ANKS1B: variants seen among roughly 807,000 people sequenced by gnomAD.
ANKS1B encodes the protein ankyrin repeat and sterile alpha motif domain-containing protein 1B.
In ANKS1B, 36 loss-of-function variants were observed where a neutral mutation model predicts 148.3. The ratio of observed to expected loss-of-function variants is 0.24; its 90% CI spans 0.19 to 0.32. The LOEUF is 0.32. Ranked by LOEUF, ANKS1B falls within the 10% of genes least tolerant of loss-of-function variation. The pLI is 1.00. For missense variants in ANKS1B, 1,157 were observed against 1,542.6 expected (o/e 0.75, Z 4.19); for synonymous variants, 542 against 560.8 (o/e 0.97, Z 0.47).
intron 12 of ANKS1B, among the ~76,000 whole-genome samples, chr12:99,344,249 T>C (rs1322963923): frequency 6.6e-6 from 1 of 152,058 alleles, no homozygotes; most frequent in Non-Finnish European, 1.5e-5. Context: ...TCTTAATTCC[T>C]TTCTTCCTAT....
intron 12 of ANKS1B, among the ~76,000 whole-genome samples, chr12:99,310,957 G>C (rs189361286): frequency 6.6e-6 from 1 of 152,174 alleles, no homozygotes; most frequent in African/African-American, 2.4e-5. Flanking sequence ...CTTTAAAACA[G>C]GGAAAACAAT....
chr12:99,196,600 GT>G (rs1318876601), intron 14 of ANKS1B, among the ~76,000 whole-genome samples: 2 of 150,812 alleles, frequency 1.3e-5, no homozygotes, highest in East Asian at 3.9e-4. Flanking sequence ...TTTTTTGTTT[GT>G]TTTTGTTTTT....
chr12:99,253,422 A>G (rs1307411119), intron 12 of ANKS1B, among the ~76,000 whole-genome samples: 1 of 152,172 alleles, frequency 6.6e-6, no homozygotes, highest in East Asian at 1.9e-4. Context: ...GTATTTCTTA[A>G]TACTTCATCG....
At chr12:99,862,390 T>C (rs2090147034) in intron 1 of ANKS1B, among the ~76,000 whole-genome samples, 1 of 152,210 alleles carries the variant, frequency 6.6e-6, no homozygotes, top group Non-Finnish European at 1.5e-5. Context: ...AAGCAAGACA[T>C]CTGTGTTATT....
rs7954449 is a variant in ANKS1B at position 98,852,974 on chromosome 12, A to C, written c.2779-20838T>G. On this transcript the variant is annotated intron_variant, in intron 17 of 26. Coordinates refer to ENST00000683438, the MANE Select transcript of ANKS1B (RefSeq NM_001352186.2). ...ATGTGAGAAATCTTTTGAAAAATAT[A>C]AAGCGTTCTATAAAAACAAGGTGAT... Among the ~76,000 whole-genome samples the C allele has an allele frequency of 8.9e-4, 135 of 152,300 alleles. 1 individual carries two copies. The highest frequency in any genetic ancestry group is 2.8e-3 in the African/African-American group (115 of 41,558).
intron 17 of ANKS1B, among the ~76,000 whole-genome samples, chr12:98,960,767 G>A (rs533621516): frequency 7.7e-4 from 117 of 152,266 alleles, no homozygotes; most frequent in Non-Finnish European, 7.9e-4. Flanking sequence ...ATAACATAGA[G>A]AAGGAATTCA....
At position 98,744,491 on chromosome 12, in the gene ANKS1B, G is replaced by A. The variant is rs2097841424; in HGVS notation, c.*1248C>T. 4.9e-6 allele frequency: 3 copies of A among 611,978 alleles called. No individual in the cohort carries two copies. The highest frequency in any genetic ancestry group is 6.1e-6 in the Non-Finnish European group (3 of 489,342). 37.9% of individuals were successfully genotyped at this position (611,978 alleles called of 1,614,324 possible). ...TTAAAATGTTATTTTTTTCTATAATGATATTGGTACTGTTTATATAATTTG... is the reference window on the plus strand; with the variant it reads ...TTAAAATGTTATTTTTTTCTATAATAATATTGGTACTGTTTATATAATTTG... On this transcript the variant is annotated 3_prime_UTR_variant, in exon 27 of 27. Coordinates refer to ENST00000683438, the MANE Select transcript of ANKS1B (RefSeq NM_001352186.2).
At chr12:99,697,039 G>A (rs192675830) in intron 8 of ANKS1B, among the ~76,000 whole-genome samples, 7 of 152,208 alleles carry the variant, frequency 4.6e-5, no homozygotes, top group East Asian at 1.9e-4. Flanking sequence ...ATACCACTAC[G>A]CATCTACCAG....
chr12:98,948,490 T>C (rs1295423222), intron 17 of ANKS1B, among the ~76,000 whole-genome samples: 1 of 152,184 alleles, frequency 6.6e-6, no homozygotes, highest in Non-Finnish European at 1.5e-5. Flanking sequence ...TACATTCTTA[T>C]TGTTATGCTG....
rs538706020 is a variant in ANKS1B at position 99,895,781 on chromosome 12, T to C, written c.135-70392A>G. On this transcript the variant is annotated intron_variant, in intron 1 of 26. Transcript: ENST00000683438. ...GTAATTGGCCTACAATTTCAGCCTC[T>C]TTTCTATGGAGTCCTTCGGTTCTGG... Among the ~76,000 whole-genome samples the C allele has an allele frequency of 3.2e-4, 49 of 151,236 alleles. 1 individual carries two copies. Among genetic ancestry groups the C allele is most frequent in the African/African-American group, 1.0e-3 (42 of 41,464 alleles).
At chr12:99,878,424 A>C (rs1831763306) in intron 1 of ANKS1B, among the ~76,000 whole-genome samples, 1 of 152,210 alleles carries the variant, frequency 6.6e-6, no homozygotes, top group African/African-American at 2.4e-5. Flanking sequence ...ATAACATTAC[A>C]ATGTGCTTTG....
chr12:99,498,709 T>C (rs954246232), intron 10 of ANKS1B, among the ~76,000 whole-genome samples: 7 of 152,200 alleles, frequency 4.6e-5, no homozygotes, highest in African/African-American at 1.7e-4. Flanking sequence ...TAAGTGCTTA[T>C]TGAATGGATC....
intron 11 of ANKS1B, among the ~76,000 whole-genome samples, chr12:99,405,899 T>TCA (rs2094520892): frequency 6.9e-6 from 1 of 145,240 alleles, no homozygotes; most frequent in Non-Finnish European, 1.5e-5. Flanking sequence ...TATACTGATA[T>TCA]GACAAAATAG....
Position 99,593,954 on chromosome 12 carries a change from G to GT in ANKS1B, c.1272+61112dup, listed in dbSNP as rs1056616983. ...CTGACAAGCAGCTGGTGCAGTGGGTGTTTTTTTTTAATCTCCGTCTTGACA... is the reference window on the plus strand; with the variant it reads ...CTGACAAGCAGCTGGTGCAGTGGGTGTTTTTTTTTTAATCTCCGTCTTGACA... On this transcript the variant is annotated intron_variant, in intron 9 of 26. Coordinates refer to ENST00000683438, the MANE Select transcript of ANKS1B (RefSeq NM_001352186.2). Among the ~76,000 whole-genome samples, 152 of 151,034 alleles carry GT rather than the reference G, an allele frequency of 1.0e-3. 1 individual carries two copies. Among genetic ancestry groups the GT allele is most frequent in the African/African-American group, 2.5e-3 (104 of 41,192 alleles).
chr12:98,760,271 C>CTT lies in ANKS1B; in HGVS notation c.3580-8751_3580-8750dup, dbSNP rs11395668. Among the ~76,000 whole-genome samples, 313 of 147,342 alleles carry CTT rather than the reference C, an allele frequency of 2.1e-3. 1 individual carries two copies. The highest frequency in any genetic ancestry group is 6.8e-3 in the African/African-American group (273 of 40,376). ...TGCGTTTAAAATAGTCTTATTCTTG[C>CTT]TTTTTTTTTTTGAGACAGGGTCTTG... On this transcript the variant is annotated intron_variant, in intron 25 of 26. Coordinates refer to ENST00000683438, the MANE Select transcript of ANKS1B (RefSeq NM_001352186.2).
At chr12:99,000,500 C>G (rs1476711665) in intron 17 of ANKS1B, among the ~76,000 whole-genome samples, 1 of 152,044 alleles carries the variant, frequency 6.6e-6, no homozygotes, top group East Asian at 1.9e-4. Context: ...AACTCCTGGC[C>G]TCAAGTGATC....
chr12:99,499,208 T>A (rs2096632632), intron 10 of ANKS1B, among the ~76,000 whole-genome samples: 1 of 152,194 alleles, frequency 6.6e-6, no homozygotes, highest in African/African-American at 2.4e-5. Flanking sequence ...TAATCATTTT[T>A]TAAAAACCAC....
In ANKS1B at chr12:99,862,573, A is replaced by G. The variant is rs149298275; in HGVS notation, c.135-37184T>C. Among the ~76,000 whole-genome samples the G allele has an allele frequency of 1.6e-3, 249 of 152,354 alleles. 8 individuals are homozygous for G. The East Asian group carries it at 0.041, about 25-fold the overall frequency. The stretch of plus-strand genomic sequence containing the variant: ...TGTTTTGTATGATGCTGATGAGCGC[A>G]GCTTTTTCATGTGTCTTGCTTAATG... On this transcript the variant is annotated intron_variant, in intron 1 of 26. Transcript: ENST00000683438.
At chr12:99,173,966 C>T (rs2078081829) in intron 14 of ANKS1B, among the ~76,000 whole-genome samples, 1 of 152,090 alleles carries the variant, frequency 6.6e-6, no homozygotes, top group Non-Finnish European at 1.5e-5. Flanking sequence ...TGTGCAAGTC[C>T]CTCCCACTTG....
Sources: gnomAD v4.1 joint callset for allele counts (sites outside exome capture counted in the v4.1 genomes callset) on GRCh38, gnomAD v4.1.1 for gene constraint, MANE v1.5 for transcripts, NCBI Gene and HGNC (gene_info 2026-07-23, HGNC 2026-07-21) for gene names.